The following EEA1 variants were observed in gnomAD, a reference collection of about 807,000 sequenced individuals.
EEA1 encodes early endosome antigen 1.
EEA1 carries 111 observed loss-of-function variants against 209.2 expected under a neutral mutation model. The ratio of observed to expected loss-of-function variants is 0.53; its 90% CI spans 0.45 to 0.62. EEA1 has a LOEUF of 0.62. EEA1 is among the 20% of genes least tolerant of loss of function. The probability of loss-of-function intolerance (pLI) is 0.00; values close to 1 mark genes in which losing one functional copy is unlikely to be tolerated. For synonymous variants in EEA1, 536 were observed against 540.6 expected (o/e 0.99, Z 0.12); for missense variants, 1,343 against 1,530.8 (o/e 0.88, Z 2.05).
intron 1 of EEA1, among the ~76,000 whole-genome samples, chr12:92,907,290 C>G (rs1880419896): frequency 6.6e-6 from 1 of 152,186 alleles, no homozygotes; most frequent in African/African-American, 2.4e-5. Context: ...ATTTTCCTGT[C>G]CTGCCAAATA....
intron 1 of EEA1, among the ~76,000 whole-genome samples, chr12:92,904,788 C>T (rs897359467): frequency 5.3e-5 from 8 of 152,208 alleles, no homozygotes; most frequent in African/African-American, 1.9e-4. Flanking sequence ...GTCTGCAGGG[C>T]TCCCAAGCAC....
At chr12:92,895,378 G>A (rs1879834418) in intron 1 of EEA1, 1 of 154,028 alleles carries the variant, frequency 6.5e-6, no homozygotes, top group African/African-American at 2.4e-5. Flanking sequence ...TGTTAGCCAG[G>A]ATGGTCTCGA....
At position 92,774,890 on chromosome 12, in the gene EEA1, G is replaced by T. The variant is rs1269065514; in HGVS notation, c.*1121C>A. ...ATTCTTCCCAATAGGGTAAGAAATA[G>T]AAAGTAAAATATTTAATGTCTTCTT... is the stretch of plus-strand genomic sequence containing the variant. On this transcript the variant is annotated 3_prime_UTR_variant, in exon 29 of 29. Transcript: ENST00000322349. 1 of 151,682 alleles carries T rather than the reference G, an allele frequency of 6.6e-6. No homozygotes were observed. The highest frequency in any genetic ancestry group is 2.4e-5 in the African/African-American group (1 of 41,404). 9.4% of individuals were successfully genotyped at this position (151,682 alleles called of 1,614,324 possible). A position where few individuals can be genotyped will look rare whatever the true frequency, so the allele number is the denominator to read the frequency against.
At chr12:92,875,425 T>C (rs899987459) in intron 2 of EEA1, among the ~76,000 whole-genome samples, 20 of 151,952 alleles carry the variant, frequency 1.3e-4, no homozygotes, top group African/African-American at 4.6e-4. Context: ...GACAGAGTGA[T>C]ACTCTGTCTC....
chr12:92,806,387 G>A (rs1256877643), intron 18 of EEA1, among the ~76,000 whole-genome samples: 1 of 151,922 alleles, frequency 6.6e-6, no homozygotes, highest in Non-Finnish European at 1.5e-5. Context: ...AAGTTTAGAG[G>A]AAATGAACCC....
chr12:92,869,974 T>C (rs1878566859), intron 2 of EEA1, among the ~76,000 whole-genome samples: 1 of 152,092 alleles, frequency 6.6e-6, no homozygotes, highest in African/African-American at 2.4e-5. Context: ...TTAACTGGTA[T>C]CATCCTACAT....
intron 21 of EEA1, among the ~76,000 whole-genome samples, chr12:92,789,674 T>C (rs1163494358): frequency 6.6e-6 from 1 of 152,124 alleles, no homozygotes; most frequent in Non-Finnish European, 1.5e-5. Context: ...GCCTCTAGAC[T>C]CCACCTCTGG....
In EEA1 at chr12:92,814,139, G is replaced by GCTAAT. The variant is rs1234214832; in HGVS notation, c.1930-1047_1930-1046insATTAG. On this transcript the variant is annotated intron_variant, in intron 15 of 28. Transcript: ENST00000322349. ...GCATTCTTTTAGCTGGTTGAAGAGA[G>GCTAAT]GATCAATGAACATAAGAAATCTAAG... Among the ~76,000 whole-genome samples, 8 of 152,154 alleles carry GCTAAT rather than the reference G, an allele frequency of 5.3e-5. No individual in the cohort carries two copies. In the East Asian group the frequency reaches 1.5e-3, roughly 29 times the overall value.
chr12:92,828,135 T>C, intron 11 of EEA1, 74 bp from the exon 12 acceptor site: 5 of 1,204,880 alleles, frequency 4.1e-6, no homozygotes, highest in Non-Finnish European at 4.3e-6. Context: ...TTCCAAACAA[T>C]GTTTTACTTT....
At position 92,895,070 on chromosome 12, in the gene EEA1, G is replaced by T. The variant is rs149691387; in HGVS notation, c.25-3349C>A. Among the ~76,000 whole-genome samples, 544 of 150,930 alleles carry T rather than the reference G, an allele frequency of 3.6e-3. 2 individuals carry two copies. Among genetic ancestry groups the T allele is most frequent in the African/African-American group, 0.013 (522 of 40,950 alleles). On this transcript the variant is annotated intron_variant, in intron 1 of 28. Transcript: ENST00000322349. ...AAGAATTACGCTAATGCTACTCTGC[G>T]CTCTATACATAGAACAAGAAAGCCT...
chr12:92,917,099 A>AG (rs1197345790), intron 1 of EEA1, among the ~76,000 whole-genome samples: 2 of 145,448 alleles, frequency 1.4e-5, no homozygotes, highest in South Asian at 2.2e-4. Flanking sequence ...CTATGTGAAA[A>AG]GACCAAATCT....
chr12:92,816,486 T>A, intron 14 of EEA1, 86 bp from the exon 15 acceptor site: 1 of 1,258,258 alleles, frequency 7.9e-7, no homozygotes, highest in Non-Finnish European at 1.1e-6. Flanking sequence ...ATGAGAATAT[T>A]AAAGTGCTTT....
At chr12:92,858,033 C>T (rs1474214605) in intron 3 of EEA1, 3 of 373,612 alleles carry the variant, frequency 8.0e-6, no homozygotes, top group Middle Eastern at 5.5e-4. Context: ...GCCATCTTGC[C>T]GCTGCTCCTT....
intron 1 of EEA1, among the ~76,000 whole-genome samples, chr12:92,908,580 T>C (rs528210327): frequency 2.0e-5 from 3 of 150,876 alleles, no homozygotes; most frequent in East Asian, 3.9e-4. Flanking sequence ...CTACTACATA[T>C]CCTTTTGGGA....
In EEA1 at chr12:92,842,149, T is replaced by C. The variant is rs117464764; in HGVS notation, c.915+316A>G. 3.4e-4 allele frequency among the ~76,000 whole-genome samples: 51 copies of C among 152,224 alleles called. 1 individual carries two copies. The East Asian group carries it at 9.8e-3, about 29-fold the overall frequency. On this transcript the variant is annotated intron_variant, in intron 10 of 28. Coordinates refer to ENST00000322349, the MANE Select transcript of EEA1 (RefSeq NM_003566.4). ...TGAAAAAATTTAAAAAACAACATTTTTAAAAGACAAATACTGTATGGTTCT... is the reference window on the plus strand; with the variant it reads ...TGAAAAAATTTAAAAAACAACATTTCTAAAAGACAAATACTGTATGGTTCT...
chr12:92,826,093 ATT>A, intron 13 of EEA1, 71 bp downstream of exon 13: 1 of 1,454,820 alleles, frequency 6.9e-7, no homozygotes, highest in Non-Finnish European at 9.3e-7. Context: ...AATTAATTTT[ATT>A]TTTTCTCTTA....
intron 1 of EEA1, among the ~76,000 whole-genome samples, chr12:92,900,515 C>G (rs1047808948): frequency 6.6e-6 from 1 of 151,822 alleles, no homozygotes; most frequent in Non-Finnish European, 1.5e-5. Flanking sequence ...AAGCAAAATT[C>G]TTTCCCAAAA....
chr12:92,871,390 C>G (rs1463195748), intron 2 of EEA1, among the ~76,000 whole-genome samples: 1 of 152,088 alleles, frequency 6.6e-6, no homozygotes, highest in Admixed American at 6.5e-5. Context: ...GCTGCTAAAA[C>G]AAAATATACA....
chr12:92,800,609 C>A (rs1202777495), intron 20 of EEA1, among the ~76,000 whole-genome samples: 1 of 152,194 alleles, frequency 6.6e-6, no homozygotes, highest in Admixed American at 6.5e-5. Context: ...TATGATATAA[C>A]CAATGATAAA....
Sources: gnomAD v4.1 joint callset for allele counts (sites outside exome capture counted in the v4.1 genomes callset) on GRCh38, gnomAD v4.1.1 for gene constraint, MANE v1.5 for transcripts, NCBI Gene and HGNC (gene_info 2026-07-23, HGNC 2026-07-21) for gene names.